UBAP2: variants seen among roughly 807,000 people sequenced by gnomAD.
UBAP2 encodes the protein ubiquitin associated protein 2, also known as ubiquitin-associated protein 2.
UBAP2 carries 75 observed loss-of-function variants against 139.6 expected under a neutral mutation model. That is an observed-to-expected ratio of 0.54 (90% confidence interval 0.45 to 0.65). The LOEUF is 0.65. Among genes scored for constraint, UBAP2 ranks in the 30% least tolerant of loss-of-function variants. The pLI, the probability that UBAP2 is intolerant of heterozygous loss-of-function variation, is 0.00. For missense variants in UBAP2, 1,368 were observed against 1,369.6 expected, an observed-to-expected ratio of 1.00 and a Z score of 0.02; for synonymous variants, 526 against 526.2, an observed-to-expected ratio of 1.00 and a Z score of 0.01.
At chr9:34,018,073 A>G (rs1292650508) in intron 1 of UBAP2, among the ~76,000 whole-genome samples, 1 of 152,058 alleles carries the variant, frequency 6.6e-6, no homozygotes, top group African/African-American at 2.4e-5. Context: ...CTGCAATCCC[A>G]GCTATTTTGA....
intron 6 of UBAP2, among the ~76,000 whole-genome samples, chr9:33,985,952 T>C (rs1264670241): frequency 6.6e-6 from 1 of 151,070 alleles, no homozygotes. Flanking sequence ...GCCCAGGAGG[T>C]GGAGGTTGCA....
Position 33,989,067 on chromosome 9 carries a change from G to A in UBAP2, c.348C>T (p.Asn116=). 6.2e-7 allele frequency: 1 copy of A among 1,613,452 alleles called. No homozygotes were observed. The highest frequency in any genetic ancestry group is 1.1e-5 in the South Asian group (1 of 91,006). ...KKNFAKENSE[N]KENREKKSEK... ...CGCTTTTCTTCTCTCTATTCTCTTTGTTTTCTGAATTTTCTTTTGCAAAAT... is the reference window on the plus strand; with the variant it reads ...CGCTTTTCTTCTCTCTATTCTCTTTATTTTCTGAATTTTCTTTTGCAAAAT... The change falls in exon 5 of 29, where the codon AAC becomes AAT. Residue 116 remains asparagine (N), a synonymous_variant. Coordinates refer to ENST00000379238, the MANE Select transcript of UBAP2 (RefSeq NM_001370062.2).
chr9:33,972,948 A>G (rs7863085), intron 7 of UBAP2, among the ~76,000 whole-genome samples: 19,271 of 152,192 alleles, frequency 0.13, 1,558 homozygotes, highest in African/African-American at 0.22. Context: ...CTACCACCCC[A>G]TGGAAGTATT....
rs141897349 is a variant in UBAP2, at chr9:34,007,814, T to C, written c.100-8950A>G. Among the ~76,000 whole-genome samples, 500 of 151,948 alleles carry C rather than the reference T, an allele frequency of 3.3e-3. 2 individuals carry two copies. Among genetic ancestry groups the C allele is most frequent in the African/African-American group, 0.012 (477 of 41,464 alleles). On this transcript the variant is annotated intron_variant, in intron 2 of 28. Transcript: ENST00000379238. The stretch of plus-strand genomic sequence containing the variant: ...CCACCACTCCCGGCTAATTTTTTTT[T>C]CCATTTATAATAGAGTCGGGGTTTC...
intron 15 of UBAP2, among the ~76,000 whole-genome samples, chr9:33,942,500 G>A (rs1157811612): frequency 6.6e-6 from 1 of 152,116 alleles, no homozygotes; most frequent in Non-Finnish European, 1.5e-5. Context: ...GGCTGATGCA[G>A]GCAGATTCAT....
chr9:33,941,715 A>C lies in UBAP2; in HGVS notation c.1863T>G (p.Ser621=), dbSNP rs755414991. 7 of 1,614,214 alleles carry C rather than the reference A, an allele frequency of 4.3e-6. No homozygotes were observed. Among genetic ancestry groups the C allele is most frequent in the Non-Finnish European group, 2.5e-6 (3 of 1,180,040 alleles). The change falls in exon 16 of 29, where the codon TCT becomes TCG. Residue 621 remains serine (S), a synonymous_variant. Transcript: ENST00000379238. ...VAMSSSYDQS[S]VHNRIPYQSP... is the part of the protein sequence containing the mutation. ...TTTGGTATGGGATCCTGTTATGCAC[A>C]GAACTCTGGTCATAAGAGGAAGACA... is the stretch of plus-strand genomic sequence containing the variant.
intron 19 of UBAP2, among the ~76,000 whole-genome samples, chr9:33,930,323 C>T (rs1587509077): frequency 6.6e-6 from 1 of 152,116 alleles, no homozygotes; most frequent in East Asian, 1.9e-4. Flanking sequence ...CCGCTACATA[C>T]AGCTATACAC....
chr9:33,986,368 A>T (rs1332506916), intron 6 of UBAP2, among the ~76,000 whole-genome samples: 1 of 152,200 alleles, frequency 6.6e-6, no homozygotes, highest in Non-Finnish European at 1.5e-5. Context: ...AGAAGTGAGG[A>T]CTAGAGCAAA....
At chr9:34,011,843 C>T (rs1823773463) in intron 2 of UBAP2, among the ~76,000 whole-genome samples, 1 of 152,142 alleles carries the variant, frequency 6.6e-6, no homozygotes, top group African/African-American at 2.4e-5. Context: ...CTTACCCATT[C>T]ATATGGCTTA....
At chr9:33,994,239 C>T (rs1022164316) in intron 4 of UBAP2, among the ~76,000 whole-genome samples, 3 of 152,030 alleles carry the variant, frequency 2.0e-5, no homozygotes, top group African/African-American at 7.3e-5. Context: ...CCTTCAGGTT[C>T]GGTCCCAAAG....
chr9:34,024,198 C>T (rs1564068421), intron 1 of UBAP2, among the ~76,000 whole-genome samples: 1 of 151,968 alleles, frequency 6.6e-6, no homozygotes, highest in African/African-American at 2.4e-5. Flanking sequence ...CAAAATTAGC[C>T]GGGCGTGGGG....
rs190935955 is a variant in UBAP2 at position 33,999,890 on chromosome 9, G to T, written c.100-1026C>A. 2.3e-4 allele frequency among the ~76,000 whole-genome samples: 17 copies of T among 75,204 alleles called. No individual in the cohort carries two copies. The East Asian group carries it at 9.6e-3, about 42-fold the overall frequency. The allele number at this position is 75,204 out of a possible 152,430, so 49.3% of individuals were successfully genotyped here. ...TGTATGTATGTATGTATGTATGTAT[G>T]TATGTATGTATGTATGTTATTTTGA... On this transcript the variant is annotated intron_variant, in intron 2 of 28. Coordinates refer to ENST00000379238, the MANE Select transcript of UBAP2 (RefSeq NM_001370062.2).
rs146878014 is a variant in UBAP2 at position 34,010,381 on chromosome 9, G to A, written c.99+6669C>T. Among the ~76,000 whole-genome samples the A allele has an allele frequency of 3.2e-3, 453 of 140,890 alleles. 4 individuals are homozygous for A. The highest frequency in any genetic ancestry group is 0.012 in the African/African-American group (440 of 37,566). 92.4% of individuals were successfully genotyped at this position (140,890 alleles called of 152,430 possible). A position where few individuals can be genotyped will look rare whatever the true frequency, so the allele number is the denominator to read the frequency against. On this transcript the variant is annotated intron_variant, in intron 2 of 28. Coordinates refer to ENST00000379238, the MANE Select transcript of UBAP2 (RefSeq NM_001370062.2). ...GGAGGTTGCAGTGAGCCCAGATCGC[G>A]CCACTGCACTCCAGCCTAGGCAACA...
At chr9:33,955,464 G>C (rs529654223) in intron 11 of UBAP2, among the ~76,000 whole-genome samples, 18 of 151,420 alleles carry the variant, frequency 1.2e-4, no homozygotes, top group Admixed American at 1.1e-3. Flanking sequence ...GGGTTGCAGT[G>C]AGCCGAGATC....
intron 1 of UBAP2, among the ~76,000 whole-genome samples, chr9:34,022,944 C>T (rs777146249): frequency 2.0e-5 from 3 of 151,652 alleles, no homozygotes; most frequent in Non-Finnish European, 4.4e-5. Flanking sequence ...TGAAAATAAT[C>T]GGCTGGGTGC....
chr9:34,008,283 A>C (rs190519396), intron 2 of UBAP2, among the ~76,000 whole-genome samples: 1 of 150,850 alleles, frequency 6.6e-6, no homozygotes, highest in East Asian at 1.9e-4. Flanking sequence ...GCGCCATTGC[A>C]CTGCAGCGTG....
At position 33,953,306 on chromosome 9, in the gene UBAP2, G is replaced by A; in HGVS notation, c.1035C>T (p.Asn345=). The A allele has an allele frequency of 6.2e-7, 1 of 1,614,180 alleles. No individual in the cohort carries two copies. The highest frequency in any genetic ancestry group is 8.5e-7 in the Non-Finnish European group (1 of 1,180,018). ...TTACCAGGCTCTGAGGAGAACAGGA[G>A]TTGACGGCAGTGGAGCTGCCAGTCC... ...APGTGSSTAV[N]SCSPQSLSSV... The change falls in exon 12 of 29, where the codon AAC becomes AAT. Residue 345 remains asparagine (N), a synonymous_variant. Coordinates refer to ENST00000379238, the MANE Select transcript of UBAP2 (RefSeq NM_001370062.2).
At chr9:34,027,605 C>T (rs548647980) in intron 1 of UBAP2, among the ~76,000 whole-genome samples, 41 of 152,042 alleles carry the variant, frequency 2.7e-4, no homozygotes, top group Non-Finnish European at 5.1e-4. Flanking sequence ...CGCCTGTAAT[C>T]CCAGCACTCT....
At chr9:34,014,464 A>C (rs1824071951) in intron 2 of UBAP2, among the ~76,000 whole-genome samples, 2 of 151,670 alleles carry the variant, frequency 1.3e-5, no homozygotes, top group African/African-American at 2.4e-5. Flanking sequence ...CCCTGTCTCT[A>C]CTAAAAATAC....
Sources: allele counts gnomAD v4.1 joint callset (sites outside exome capture counted in the v4.1 genomes callset), GRCh38; gene constraint gnomAD v4.1.1; transcripts MANE v1.5; gene names NCBI Gene and HGNC (gene_info 2026-07-23, HGNC 2026-07-21).